DNAI3: variants seen among roughly 807,000 people sequenced by gnomAD.
DNAI3 encodes the protein dynein axonemal intermediate chain 3.
Under a neutral mutation model 115.5 loss-of-function variants are expected in DNAI3, and 83 were observed. The ratio of observed to expected loss-of-function variants is 0.72; its 90% CI spans 0.60 to 0.86. The LOEUF (loss-of-function observed/expected upper bound fraction) is 0.86, where lower values mean the gene tolerates loss of function less well. Among genes scored for constraint, DNAI3 ranks in the 40% least tolerant of loss-of-function variants. The pLI is 0.00. For synonymous variants in DNAI3, 320 were observed against 347.0 expected, an observed-to-expected ratio of 0.92 and a Z score of 0.86; for missense variants, 1,004 against 1,075.8, an observed-to-expected ratio of 0.93 and a Z score of 0.93.
intron 14 of DNAI3, 72 bp downstream of exon 14, chr1:85,104,669 A>G (rs996253109): frequency 3.3e-6 from 4 of 1,206,854 alleles, no homozygotes; most frequent in African/African-American, 3.0e-5. Context: ...TCCTAAAATC[A>G]GTGTCTTCTT....
intron 18 of DNAI3, among the ~76,000 whole-genome samples, chr1:85,123,786 T>C (rs531593137): frequency 1.3e-5 from 2 of 152,370 alleles, no homozygotes; most frequent in Admixed American, 6.5e-5. Flanking sequence ...TTACTAACCA[T>C]TGTCTACCCA....
rs146363372 is a variant in DNAI3 at position 85,076,392 on chromosome 1, G to A, written c.103+3300G>A. Among the ~76,000 whole-genome samples, 74 of 152,184 alleles carry A rather than the reference G, an allele frequency of 4.9e-4. No individual in the cohort carries two copies. In the East Asian group the frequency reaches 0.012, roughly 25 times the overall value. On this transcript the variant is annotated intron_variant, in intron 3 of 22. Coordinates refer to ENST00000294664, the MANE Select transcript of DNAI3 (RefSeq NM_145172.5). Reference sequence around the variant, plus strand: ...CAAAAACAACAAAAAGTAGAGATCCGTAACATAATTATATCCACAAATCCC... The same window carrying A: ...CAAAAACAACAAAAAGTAGAGATCCATAACATAATTATATCCACAAATCCC...
chr1:85,094,264 G>A (rs1655064055), intron 9 of DNAI3, 167 bp from the exon 10 acceptor site: 3 of 804,878 alleles, frequency 3.7e-6, no homozygotes, highest in Non-Finnish European at 5.9e-6. Context: ...TAAATAAGTA[G>A]CATGTAACTA....
At position 85,085,559 on chromosome 1, in the gene DNAI3, A is replaced by G. The variant is rs181364913; in HGVS notation, c.541-272A>G. Among the ~76,000 whole-genome samples the G allele has an allele frequency of 3.4e-3, 514 of 152,332 alleles. 1 individual carries two copies. Among genetic ancestry groups the G allele is most frequent in the Admixed American group, 3.3e-3 (50 of 15,298 alleles). On this transcript the variant is annotated intron_variant, in intron 6 of 22. Transcript: ENST00000294664. ...ACACAGAAGCCAAGGAGAGGGGTTTATGTATCCCTCCTGCCAGTCCACCAT... is the reference window on the plus strand; with the variant it reads ...ACACAGAAGCCAAGGAGAGGGGTTTGTGTATCCCTCCTGCCAGTCCACCAT...
At position 85,072,751 on chromosome 1, in the gene DNAI3, G is replaced by T. The variant is rs372750302; in HGVS notation, c.65-303G>T. 7.3e-5 allele frequency among the ~76,000 whole-genome samples: 11 copies of T among 151,594 alleles called. 1 individual carries two copies. Among genetic ancestry groups the T allele is most frequent in the South Asian group, 4.2e-4 (2 of 4,812 alleles). On this transcript the variant is annotated intron_variant, in intron 2 of 22. Transcript: ENST00000294664. ...TGGACGGATCACAAGGTCAGGAGATGGAGACCATCCTGGTTGACACGGTGA... is the reference window on the plus strand; with the variant it reads ...TGGACGGATCACAAGGTCAGGAGATTGAGACCATCCTGGTTGACACGGTGA...
At chr1:85,103,190 A>G (rs1176620009) in intron 13 of DNAI3, among the ~76,000 whole-genome samples, 1 of 152,010 alleles carries the variant, frequency 6.6e-6, no homozygotes, top group African/African-American at 2.4e-5. Flanking sequence ...TTCTTTCAGG[A>G]GGTTAGAGAA....
intron 13 of DNAI3, 107 bp from the exon 14 acceptor site, chr1:85,104,417 G>A (rs984404047): frequency 6.3e-6 from 6 of 950,584 alleles, no homozygotes; most frequent in Admixed American, 2.1e-5. Context: ...CACTGCCCCC[G>A]GCCGGTATGT....
chr1:85,097,253 T>C (rs2100585074), intron 11 of DNAI3, among the ~76,000 whole-genome samples: 1 of 152,260 alleles, frequency 6.6e-6, no homozygotes, highest in African/African-American at 2.4e-5. Flanking sequence ...CCTACAATCA[T>C]AGCACACCTC....
intron 3 of DNAI3, among the ~76,000 whole-genome samples, chr1:85,073,943 G>A (rs916061743): frequency 9.9e-5 from 15 of 152,224 alleles, no homozygotes; most frequent in Admixed American, 6.5e-4. Flanking sequence ...GAAAGTGGGA[G>A]AATGTCAGCT....
chr1:85,072,041 G>GGAGTATTTGTGTATAT (rs746291989), intron 2 of DNAI3, 36 bp downstream of exon 2: 4 of 1,585,014 alleles, frequency 2.5e-6, no homozygotes, highest in Non-Finnish European at 1.7e-6. Context: ...GATTTTTTGT[G>GGAGTATTTGTGTATAT]GAGTATTTGT....
chr1:85,077,655 G>T (rs1202866488), intron 3 of DNAI3, among the ~76,000 whole-genome samples: 3 of 152,110 alleles, frequency 2.0e-5, no homozygotes, highest in African/African-American at 7.2e-5. Context: ...CAGCTTAGTG[G>T]TTACTTGGGG....
intron 17 of DNAI3, 98 bp from the exon 18 acceptor site, chr1:85,121,653 C>A: frequency 9.1e-7 from 1 of 1,096,978 alleles, no homozygotes; most frequent in South Asian, 1.5e-5. Flanking sequence ...TGTTGTTTTG[C>A]ATTTGTTTTG....
chr1:85,089,861 A>G (rs12038582), intron 7 of DNAI3, among the ~76,000 whole-genome samples: 1 of 152,306 alleles, frequency 6.6e-6, no homozygotes, highest in East Asian at 1.9e-4. Context: ...ACTTTTCTAT[A>G]AGTTTGAAAT....
At chr1:85,103,952 A>T (rs1243143612) in intron 13 of DNAI3, among the ~76,000 whole-genome samples, 1 of 149,082 alleles carries the variant, frequency 6.7e-6, no homozygotes, top group Non-Finnish European at 1.5e-5. Flanking sequence ...ATATAGGTAA[A>T]TGTTCAAATT....
intron 22 of DNAI3, among the ~76,000 whole-genome samples, chr1:85,131,676 C>CT (rs1015655504): frequency 6.6e-5 from 10 of 152,242 alleles, no homozygotes; most frequent in African/African-American, 2.2e-4. Flanking sequence ...TTCTTTTGCA[C>CT]TTAACAAATG....
chr1:85,131,649 A>G (rs1656328574), intron 22 of DNAI3, among the ~76,000 whole-genome samples: 1 of 152,148 alleles, frequency 6.6e-6, no homozygotes, highest in South Asian at 2.1e-4. Context: ...GCTACAAACA[A>G]ATTGATCTTA....
Position 85,132,882 on chromosome 1 carries a change from A to G in DNAI3, c.2560A>G (p.Met854Val). Reference sequence around the variant, plus strand: ...AACATATCAGAAGTCAAAAGAACAAATGCAGGCTGAATTAAAAATGGACTA... The same window carrying G: ...AACATATCAGAAGTCAAAAGAACAAGTGCAGGCTGAATTAAAAATGGACTA... ...VKTYQKSKEQ[M>V]QAELKMDYES... The change falls in exon 23 of 23, where the codon ATG (methionine) becomes GTG (valine). Residue 854 changes from methionine to valine, a missense_variant. This residue lies in a region of DNAI3 where 429 missense variants were observed against 454.3 expected (regional missense o/e 0.94). Transcript: ENST00000294664. 6.2e-7 allele frequency: 1 copy of G among 1,613,886 alleles called. No homozygotes were observed.
At chr1:85,110,266 A>G in intron 16 of DNAI3, 131 bp downstream of exon 16, 1 of 694,850 alleles carries the variant, frequency 1.4e-6, no homozygotes, top group Non-Finnish European at 2.3e-6. Context: ...CCTGGCTAAC[A>G]CGGTGAAACC....
Position 85,095,958 on chromosome 1 carries a change from T to C in DNAI3, c.1201T>C (p.Phe401Leu), listed in dbSNP as rs1331023812. The C allele has an allele frequency of 3.7e-6, 6 of 1,613,910 alleles. No individual in the cohort carries two copies. Among genetic ancestry groups the C allele is most frequent in the Admixed American group, 1.7e-5 (1 of 59,992 alleles). ...QLMLESPDDIFCFKFCPSDPN... is the reference protein window; with the variant it reads ...QLMLESPDDILCFKFCPSDPN... ...AATGCTGGAGAGCCCAGATGACATC[T>C]TCTGCTTCAAGTTCTGTCCGAGTGA... Residue 401 changes from phenylalanine to leucine, a missense_variant, in exon 11 of 23, where the codon TTC becomes CTC. Phe to Leu is a conservative substitution (Grantham distance 22, BLOSUM62 0). Around this residue, in one of 3 missense-constraint regions of DNAI3, gnomAD observed 550 missense variants for 568.1 expected, o/e 0.97. Coordinates refer to ENST00000294664, the MANE Select transcript of DNAI3 (RefSeq NM_145172.5).
Sources: allele counts gnomAD v4.1 joint callset (sites outside exome capture counted in the v4.1 genomes callset), GRCh38; gene constraint gnomAD v4.1.1; regional missense constraint gnomAD v4.1.1; transcripts MANE v1.5; gene names NCBI Gene and HGNC (gene_info 2026-07-23, HGNC 2026-07-21).